GSE1: variants seen among roughly 807,000 people sequenced by gnomAD.
GSE1 encodes the protein genetic suppressor element 1.
GSE1 carries 32 observed loss-of-function variants against 112.6 expected under a neutral mutation model. The observed-to-expected ratio is 0.28, with a 90% confidence interval of 0.21 to 0.38. GSE1 has a LOEUF of 0.38. Among genes scored for constraint, GSE1 ranks in the 10% least tolerant of loss-of-function variants. GSE1 has a pLI of 1.00. For synonymous variants in GSE1, 1,115 were observed against 735.6 expected, an observed-to-expected ratio of 1.52 and a Z score of -8.35; for missense variants, 2,348 against 1,699.2, an observed-to-expected ratio of 1.38 and a Z score of -6.71.
At chr16:85,235,979 T>C (rs1354653109) in intron 1 of GSE1, among the ~76,000 whole-genome samples, 1 of 151,726 alleles carries the variant, frequency 6.6e-6, no homozygotes, top group East Asian at 1.9e-4. Context: ...GCGCCGGGCC[T>C]GGGCCTGGGC....
At chr16:85,529,867 T>C (rs923991241) in intron 2 of GSE1, among the ~76,000 whole-genome samples, 9 of 152,226 alleles carry the variant, frequency 5.9e-5, no homozygotes, top group African/African-American at 2.2e-4. Flanking sequence ...GAAACACCTC[T>C]GTCCTTTGCC....
intron 1 of GSE1, among the ~76,000 whole-genome samples, chr16:85,312,813 C>T (rs1019129779): frequency 3.3e-5 from 5 of 151,718 alleles, no homozygotes; most frequent in South Asian, 2.1e-4. Flanking sequence ...GAGGAGGTCT[C>T]GTCCACCCAG....
chr16:85,646,153 T>C (rs4021619), intron 2 of GSE1, among the ~76,000 whole-genome samples: 36,875 of 98,494 alleles, frequency 0.37, 6,968 homozygotes, highest in Non-Finnish European at 0.4. Flanking sequence ...TCTACCTGCT[T>C]CTACCACGCT....
intron 6 of GSE1, 141 bp from the exon 7 acceptor site, chr16:85,656,202 C>G (rs1342862732): frequency 2.2e-5 from 23 of 1,049,880 alleles, no homozygotes; most frequent in African/African-American, 3.2e-5. Context: ...TCTTCCTGCA[C>G]CAGTGAAACC....
intron 2 of GSE1, among the ~76,000 whole-genome samples, chr16:85,420,584 G>A (rs535942639): frequency 5.1e-4 from 77 of 152,216 alleles, no homozygotes; most frequent in Admixed American, 3.5e-3. Context: ...ACCACCATGC[G>A]TCCTCCAGTG....
In GSE1 at chr16:85,501,628, C is replaced by T. The variant is rs1028398268; in HGVS notation, c.2465-132286C>T. ...CAGGCTGGTCTCGAACCCCTGGCCT[C>T]GGCAACCCTCCCACCTCGGCCTCCC... On this transcript the variant is annotated intron_variant, in intron 2 of 2. Transcript: ENST00000637419. 5.3e-5 allele frequency among the ~76,000 whole-genome samples: 8 copies of T among 151,548 alleles called. No individual in the cohort carries two copies. The South Asian group carries it at 6.3e-4, about 12-fold the overall frequency.
intron 2 of GSE1, among the ~76,000 whole-genome samples, chr16:85,529,535 G>A (rs1476041158): frequency 1.3e-5 from 2 of 152,096 alleles, no homozygotes; most frequent in Admixed American, 6.5e-5. Flanking sequence ...CACCTGTTGG[G>A]GGCAGCTGAG....
At position 85,663,040 on chromosome 16, in the gene GSE1, C is replaced by A; in HGVS notation, c.2320C>A (p.His774Asn). 1 of 1,613,292 alleles carries A rather than the reference C, an allele frequency of 6.2e-7. No individual in the cohort carries two copies. Among genetic ancestry groups the A allele is most frequent in the South Asian group, 1.1e-5 (1 of 91,082 alleles). Residue 774 changes from histidine (H) to asparagine (N), a missense_variant, in exon 10 of 16, where the codon CAC becomes AAC. His to Asn is a moderately conservative substitution (Grantham distance 68). Coordinates refer to ENST00000253458, the MANE Select transcript of GSE1 (RefSeq NM_014615.5). Reference sequence around the variant, plus strand: ...GAGCGATGAGGAGGAGGTCAGGGCCCACCTCCGTTGCGTGGCCGAGCAGCC... The same window carrying A: ...GAGCGATGAGGAGGAGGTCAGGGCCAACCTCCGTTGCGTGGCCGAGCAGCC... ...DESDEEEVRAHLRCVAEQPPL... is the reference protein window; with the variant it reads ...DESDEEEVRANLRCVAEQPPL...
At chr16:85,589,698 ATT>A (rs1491151683) in intron 1 of GSE1, among the ~76,000 whole-genome samples, 3 of 152,046 alleles carry the variant, frequency 2.0e-5, no homozygotes, top group Non-Finnish European at 4.4e-5. Flanking sequence ...AACGTGAGAT[ATT>A]GTGTGTGTGT....
upstream of GSE1, among the ~76,000 whole-genome samples, chr16:85,610,820 C>A (rs1309732545): frequency 3.3e-5 from 5 of 152,222 alleles, no homozygotes; most frequent in Admixed American, 3.3e-4. Flanking sequence ...TTGAGCAACT[C>A]AGGGCCTCAA....
intron 2 of GSE1, among the ~76,000 whole-genome samples, chr16:85,385,840 CG>C (rs1446854647): frequency 2.4e-4 from 37 of 152,290 alleles, no homozygotes; most frequent in African/African-American, 8.9e-4. Flanking sequence ...GGGTGACCCC[CG>C]GGCCAGGACG....
intron 1 of GSE1, among the ~76,000 whole-genome samples, chr16:85,586,476 G>A (rs528432198): frequency 1.2e-4 from 18 of 152,158 alleles, no homozygotes; most frequent in Non-Finnish European, 2.4e-4. Context: ...TTTCATGAGC[G>A]TCATCATCGG....
At chr16:85,282,431 T>C (rs1175829655) in intron 1 of GSE1, among the ~76,000 whole-genome samples, 3 of 152,212 alleles carry the variant, frequency 2.0e-5, no homozygotes, top group African/African-American at 4.8e-5. Flanking sequence ...TTTCTGAAAG[T>C]TGTTTTTTGC....
intron 1 of GSE1, among the ~76,000 whole-genome samples, chr16:85,228,600 G>A (rs567743577): frequency 2.6e-5 from 4 of 152,266 alleles, no homozygotes; most frequent in African/African-American, 4.8e-5. Context: ...GAAGTGTTGC[G>A]TGTCAGCAGT....
At chr16:85,607,606 C>T (rs145216627), upstream of GSE1, among the ~76,000 whole-genome samples, 681 of 152,262 alleles carry the variant, frequency 4.5e-3, 6 homozygotes, top group African/African-American at 0.016. Context: ...CTTTCCTGTT[C>T]CCCTAGAGGT....
chr16:85,439,963 C>T (rs778538860), intron 2 of GSE1, among the ~76,000 whole-genome samples: 5 of 152,236 alleles, frequency 3.3e-5, no homozygotes, highest in Non-Finnish European at 5.9e-5. Flanking sequence ...CACAGACACA[C>T]ATTATTACAT....
At chr16:85,512,403 C>T (rs112784065) in intron 2 of GSE1, among the ~76,000 whole-genome samples, 2 of 152,158 alleles carry the variant, frequency 1.3e-5, no homozygotes, top group Non-Finnish European at 2.9e-5. Context: ...ACTCCACACT[C>T]GCCGTGCTTC....
In GSE1 at chr16:85,260,124, C is replaced by G. The variant is rs532589607; in HGVS notation, c.2283+88317C>G. ...CCCTGCGGGGCATGGGCAGCCCCCC[C>G]GCAGCAGTGCTGGTCATCTTTGGTG... On this transcript the variant is annotated intron_variant, in intron 1 of 2. Coordinates refer to the GSE1 transcript ENST00000637419. Among the ~76,000 whole-genome samples, 34 of 152,228 alleles carry G rather than the reference C, an allele frequency of 2.2e-4. 1 individual carries two copies. In the East Asian group the frequency reaches 6.4e-3, roughly 29 times the overall value.
chr16:85,496,295 C>G (rs1215363170), intron 2 of GSE1, among the ~76,000 whole-genome samples: 2 of 152,218 alleles, frequency 1.3e-5, no homozygotes, highest in Non-Finnish European at 1.5e-5. Flanking sequence ...CTCGCGGGCC[C>G]GACCGGGATG....
Sources: gnomAD v4.1 joint callset for allele counts (sites outside exome capture counted in the v4.1 genomes callset) on GRCh38, gnomAD v4.1.1 for gene constraint, MANE v1.5 for transcripts, NCBI Gene and HGNC (gene_info 2026-07-23, HGNC 2026-07-21) for gene names.